Variants in ANK3 observed in about 807,000 individuals in gnomAD.
The protein encoded by ANK3 is ankyrin-3.
ANK3 carries 57 observed loss-of-function variants against 370.9 expected under a neutral mutation model. The ratio of observed to expected loss-of-function variants is 0.15; its 90% CI spans 0.12 to 0.19. The LOEUF (loss-of-function observed/expected upper bound fraction) is 0.19, where lower values mean the gene tolerates loss of function less well. Among genes scored for constraint, ANK3 ranks in the 10% least tolerant of loss-of-function variants. The pLI, the probability that ANK3 is intolerant of heterozygous loss-of-function variation, is 1.00. For missense variants in ANK3, 4,439 were observed against 5,302.1 expected (o/e 0.84, Z 5.06); for synonymous variants, 1,929 against 1,946.3 (o/e 0.99, Z 0.23).
intron 1 of ANK3, among the ~76,000 whole-genome samples, chr10:60,302,845 A>AC (rs371149074): frequency 1.3e-4 from 20 of 149,940 alleles, no homozygotes; most frequent in South Asian, 1.3e-3. Context: ...ACAAACAACA[A>AC]AAAAAAAAAC....
At chr10:60,275,049 T>C (rs2098066688) in intron 4 of ANK3, among the ~76,000 whole-genome samples, 1 of 152,160 alleles carries the variant, frequency 6.6e-6, no homozygotes, top group South Asian at 2.1e-4. Flanking sequence ...ATTGGGAGAA[T>C]GGTCAGATTT....
chr10:60,565,443 C>T (rs1172859560), intron 2 of ANK3, among the ~76,000 whole-genome samples: 1 of 152,118 alleles, frequency 6.6e-6, no homozygotes, highest in African/African-American at 2.4e-5. Flanking sequence ...GATATCAGTC[C>T]ACGTCACAGG....
chr10:60,559,621 A>G (rs1359863629), intron 2 of ANK3, among the ~76,000 whole-genome samples: 1 of 152,192 alleles, frequency 6.6e-6, no homozygotes, highest in Non-Finnish European at 1.5e-5. Context: ...AAACAGTTGT[A>G]CAGAATTCAA....
At chr10:60,298,203 T>C (rs1218010176) in intron 1 of ANK3, among the ~76,000 whole-genome samples, 1 of 152,198 alleles carries the variant, frequency 6.6e-6, no homozygotes, top group East Asian at 1.9e-4. Flanking sequence ...TCATGAGCAT[T>C]ATTGAAGAGT....
At chr10:60,220,168 A>C (rs1261411059) in intron 8 of ANK3, among the ~76,000 whole-genome samples, 1 of 152,212 alleles carries the variant, frequency 6.6e-6, no homozygotes, top group African/African-American at 2.4e-5. Flanking sequence ...CTACACAAAA[A>C]ACATTTCATA....
At chr10:60,169,364 GT>G (rs71015773) in intron 21 of ANK3, among the ~76,000 whole-genome samples, 655 of 51,902 alleles carry the variant, frequency 0.013, 1 homozygote, top group Non-Finnish European at 0.017. Context: ...TTGTCTCATA[GT>G]TTTTTTTTTT....
In ANK3 at chr10:60,186,803, G is replaced by A. The variant is rs755841307; in HGVS notation, c.1997C>T (p.Ala666Val). 3.7e-6 allele frequency: 6 copies of A among 1,614,068 alleles called. No individual in the cohort carries two copies. The highest frequency in any genetic ancestry group is 5.1e-6 in the Non-Finnish European group (6 of 1,180,026). Residue 666 changes from alanine (A) to valine (V), a missense_variant, in exon 17 of 44, where the codon GCT (alanine) becomes GTT (valine). Ala to Val is a moderately conservative substitution (Grantham distance 64). Around this residue, in one of 13 missense-constraint regions of ANK3, gnomAD observed 192 missense variants for 192.1 expected, o/e 1.00. Coordinates refer to ENST00000280772, the MANE Select transcript of ANK3 (RefSeq NM_020987.5). The part of the protein sequence containing the change: ...DANAVTRQGI[A>V]SVHLAAQEGH... ...TTCCTGAGCTGCGAGATGGACGGAA[G>A]CAATTCCTTGCCGGGTAACTGCGTT...
At chr10:60,088,756 TAC>T (rs1395776539) in intron 28 of ANK3, among the ~76,000 whole-genome samples, 1 of 152,240 alleles carries the variant, frequency 6.6e-6, no homozygotes, top group Non-Finnish European at 1.5e-5. Context: ...AAATCATTTA[TAC>T]TCCATAGCCT....
intron 1 of ANK3, among the ~76,000 whole-genome samples, chr10:60,619,589 C>T (rs2078309025): frequency 6.6e-6 from 1 of 152,136 alleles, no homozygotes; most frequent in Admixed American, 6.6e-5. Flanking sequence ...AAATGGAAAG[C>T]ACAATCATGT....
Position 60,068,980 on chromosome 10 carries a change from G to A in ANK3, c.11901C>T (p.Thr3967=). The A allele has an allele frequency of 1.2e-6, 2 of 1,613,784 alleles. No individual in the cohort carries two copies. Among genetic ancestry groups the A allele is most frequent in the Non-Finnish European group, 1.7e-6 (2 of 1,179,910 alleles). ...TGGTAGTGGTGGTAGTGGTGGTGGT[G>A]GTGGCAGTGGTGGTGGTGGTAGTGA... ...TCVTTTTTTA[T]TTTTTTTTTT... is the part of the protein sequence containing the mutation. Residue 3967 remains threonine (T), a synonymous_variant, in exon 37 of 44, where the codon ACC becomes ACT. Transcript: ENST00000280772.
chr10:60,333,155 TTTA>T (rs1422646115), intron 1 of ANK3, among the ~76,000 whole-genome samples: 1 of 151,818 alleles, frequency 6.6e-6, no homozygotes. Flanking sequence ...TGAGCATCTT[TTTA>T]TTATTATTAT....
intron 2 of ANK3, among the ~76,000 whole-genome samples, chr10:60,545,915 G>A (rs944362483): frequency 1.3e-5 from 2 of 152,224 alleles, no homozygotes; most frequent in African/African-American, 4.8e-5. Flanking sequence ...CCTCAGCCCA[G>A]AGGGACTGAG....
intron 5 of ANK3, among the ~76,000 whole-genome samples, chr10:60,266,313 G>A (rs567002501): frequency 1.3e-5 from 2 of 152,072 alleles, no homozygotes; most frequent in African/African-American, 4.8e-5. Flanking sequence ...GCAAGCAATC[G>A]GGTAAAATGT....
At chr10:60,677,817 A>C (rs2079146354) in intron 1 of ANK3, among the ~76,000 whole-genome samples, 1 of 151,874 alleles carries the variant, frequency 6.6e-6, no homozygotes, top group Non-Finnish European at 1.5e-5. Flanking sequence ...AAAGAAAAGA[A>C]AAAGAAAGAA....
chr10:60,654,298 T>C (rs1223947216), intron 1 of ANK3, among the ~76,000 whole-genome samples: 4 of 152,196 alleles, frequency 2.6e-5, no homozygotes, highest in Non-Finnish European at 5.9e-5. Flanking sequence ...GTACATATTT[T>C]ATTTTTCTTG....
chr10:60,474,203 A>C (rs547578459), intron 2 of ANK3, among the ~76,000 whole-genome samples: 12 of 152,298 alleles, frequency 7.9e-5, no homozygotes, highest in African/African-American at 2.2e-4. Flanking sequence ...AGTTAGTAGC[A>C]GATAGAAATC....
At chr10:60,207,284 T>C (rs1234753291) in intron 10 of ANK3, among the ~76,000 whole-genome samples, 1 of 152,200 alleles carries the variant, frequency 6.6e-6, no homozygotes, top group Non-Finnish European at 1.5e-5. Context: ...CCGCACTCTT[T>C]GGAAAGGGGC....
intron 1 of ANK3, among the ~76,000 whole-genome samples, chr10:60,673,113 G>A (rs1406223007): frequency 6.6e-6 from 1 of 150,624 alleles, no homozygotes; most frequent in Non-Finnish European, 1.5e-5. Context: ...AAAGGTAAAA[G>A]AGTTCATGTG....
chr10:60,698,645 C>T (rs1014723331), intron 1 of ANK3, among the ~76,000 whole-genome samples: 25 of 146,462 alleles, frequency 1.7e-4, no homozygotes, highest in African/African-American at 3.3e-4. Context: ...AGTAAACTAT[C>T]GCAAGAACAA....
Sources: allele counts gnomAD v4.1 joint callset (sites outside exome capture counted in the v4.1 genomes callset), GRCh38; gene constraint gnomAD v4.1.1; regional missense constraint gnomAD v4.1.1; transcripts MANE v1.5; gene names NCBI Gene and HGNC (gene_info 2026-07-23, HGNC 2026-07-21).